SCO1: variants seen among roughly 807,000 people sequenced by gnomAD.
The protein encoded by SCO1 is synthesis of cytochrome C oxidase 1.
In SCO1, 23 loss-of-function variants were observed where a neutral mutation model predicts 34.0. The observed-to-expected ratio is 0.68, with a 90% CI of 0.49 to 0.96. SCO1 has a LOEUF of 0.96. Among genes scored for constraint, SCO1 ranks in the 40% least tolerant of loss-of-function variants. The probability of loss-of-function intolerance (pLI) is 0.00; values close to 1 mark genes in which losing one functional copy is unlikely to be tolerated. For synonymous variants in SCO1, 161 were observed against 145.5 expected (o/e 1.11, Z -0.77); for missense variants, 404 against 381.6 (o/e 1.06, Z -0.49).
At position 10,692,817 on chromosome 17, in the gene SCO1, G is replaced by C; in HGVS notation, c.509C>G (p.Pro170Arg). The C allele has an allele frequency of 6.2e-7, 1 of 1,614,126 alleles. No homozygotes were observed. The highest frequency in any genetic ancestry group is 8.5e-7 in the Non-Finnish European group (1 of 1,179,994). Residue 170 changes from proline (P) to arginine (R), a missense_variant, in exon 3 of 6, where the codon CCT becomes CGT. Coordinates refer to ENST00000255390, the MANE Select transcript of SCO1 (RefSeq NM_004589.4). The stretch of plus-strand genomic sequence containing the variant: ...TTCTAGTTCTTCTGGACAGACATCA[G>C]GGCAATGAGTGAAGCCAAAATAAAT... ...LLIYFGFTHCPDVCPEELEKM... is the reference protein window; with the variant it reads ...LLIYFGFTHCRDVCPEELEKM...
At chr17:10,690,190 C>G (rs1018908082) in intron 4 of SCO1, among the ~76,000 whole-genome samples, 4 of 151,918 alleles carry the variant, frequency 2.6e-5, no homozygotes, top group Non-Finnish European at 5.9e-5. Flanking sequence ...CAAAAATAGG[C>G]AAATGGGGTT....
Position 10,687,407 on chromosome 17 carries a change from G to A in SCO1, c.656-565C>T, listed in dbSNP as rs146023618. 2.0e-3 allele frequency among the ~76,000 whole-genome samples: 311 copies of A among 152,282 alleles called. 1 individual carries two copies. Among genetic ancestry groups the A allele is most frequent in the African/African-American group, 7.2e-3 (298 of 41,552 alleles). On this transcript the variant is annotated intron_variant, in intron 4 of 5. Transcript: ENST00000255390. The stretch of plus-strand genomic sequence containing the variant: ...GAAATAAGGGCAAATCATTCACAGC[G>A]TGTATCTGCTATTAAGTTTTTGGAA...
Position 10,686,977 on chromosome 17 carries a change from A to G in SCO1, c.656-135T>C, listed in dbSNP as rs536297609. The G allele has an allele frequency of 1.0e-4, 70 of 690,104 alleles. No individual in the cohort carries two copies. The Middle Eastern group carries it at 1.5e-3, about 15-fold the overall frequency. 42.7% of individuals were successfully genotyped at this position (690,104 alleles called of 1,614,324 possible). On this transcript the variant is annotated intron_variant, in intron 4 of 5. Coordinates refer to ENST00000255390, the MANE Select transcript of SCO1 (RefSeq NM_004589.4). ...GTGAGTCTCCAAACATTTCTTCACG[A>G]TTCAAAGGAAAAGGAGAAGAAATTC...
rs2074563604 is a variant in SCO1 at position 10,673,851 on chromosome 17, A to C, written c.*7268T>G. ...GTGCTGAATAGAAGTTCTGACAGGG[A>C]GTGACAGTCGTCTTTGACAAAAATT... On this transcript the variant is annotated 3_prime_UTR_variant, in exon 6 of 6. Transcript: ENST00000255390. The C allele has an allele frequency of 6.6e-6, 1 of 152,230 alleles. No homozygotes were observed. The highest frequency in any genetic ancestry group is 1.5e-5 in the Non-Finnish European group (1 of 68,048). 9.4% of individuals were successfully genotyped at this position (152,230 alleles called of 1,614,324 possible).
chr17:10,694,055 T>G (rs1328065912), intron 2 of SCO1, among the ~76,000 whole-genome samples: 1 of 152,228 alleles, frequency 6.6e-6, no homozygotes, highest in Non-Finnish European at 1.5e-5. Flanking sequence ...ATTAATCAAG[T>G]GATCAAACTG....
In SCO1 at chr17:10,686,767, T is replaced by C. The variant is rs769451925; in HGVS notation, c.731A>G (p.Tyr244Cys). ...VDQVARAYRV[Y>C]YSPGPKDEDE... Reference sequence around the variant, plus strand: ...TTCGTCCTTGGGGCCAGGGCTGTAATACACTCTGTATGCTCTGGCCACTTG... The same window carrying C: ...TTCGTCCTTGGGGCCAGGGCTGTAACACACTCTGTATGCTCTGGCCACTTG... Residue 244 changes from tyrosine (Y) to cysteine (C), a missense_variant, in exon 5 of 6, where the codon TAT becomes TGT. Coordinates refer to ENST00000255390, the MANE Select transcript of SCO1 (RefSeq NM_004589.4). 3.1e-6 allele frequency: 5 copies of C among 1,613,836 alleles called. No homozygotes were observed. The South Asian group carries it at 3.3e-5, about 11-fold the overall frequency.
rs1567574812 is a variant in SCO1, at chr17:10,689,001, AG to A, written c.656-2160del. The stretch of plus-strand genomic sequence containing the variant: ...CGTGGTAGCGGGCGCCTGTAGTCCC[AG>A]CTACTTGGGAGGCTGAGGCAGGAGA... On this transcript the variant is annotated intron_variant, in intron 4 of 5. Transcript: ENST00000255390. 5.4e-5 allele frequency among the ~76,000 whole-genome samples: 8 copies of A among 147,352 alleles called. No individual in the cohort carries two copies. The South Asian group carries it at 1.7e-3, about 31-fold the overall frequency.
At chr17:10,683,999 A>G (rs761130044) in intron 5 of SCO1, 19 of 152,194 alleles carry the variant, frequency 1.2e-4, no homozygotes, top group Admixed American at 5.2e-4. Context: ...ACCTCAAGGG[A>G]CTGAAGTCAT....
Position 10,675,128 on chromosome 17 carries a change from G to A in SCO1, c.*5991C>T, listed in dbSNP as rs1412080160. The A allele has an allele frequency of 6.6e-6, 1 of 152,240 alleles. No homozygotes were observed. The highest frequency in any genetic ancestry group is 2.4e-5 in the African/African-American group (1 of 41,426). The allele number at this position is 152,240 out of a possible 1,614,324, so 9.4% of individuals were successfully genotyped here. ...TTTAGGTCCGTCCTCCAGCTTAGGGGTGACTAGAGCGATTGATTTCCTGCC... is the reference window on the plus strand; with the variant it reads ...TTTAGGTCCGTCCTCCAGCTTAGGGATGACTAGAGCGATTGATTTCCTGCC... On this transcript the variant is annotated 3_prime_UTR_variant, in exon 6 of 6. Transcript: ENST00000255390.
intron 4 of SCO1, among the ~76,000 whole-genome samples, chr17:10,688,553 G>A (rs1447555373): frequency 6.6e-6 from 1 of 152,202 alleles, no homozygotes; most frequent in African/African-American, 2.4e-5. Context: ...CAGGAATGCA[G>A]AAATATACCA....
At chr17:10,694,906 T>C (rs928848958) in intron 2 of SCO1, among the ~76,000 whole-genome samples, 2 of 152,194 alleles carry the variant, frequency 1.3e-5, no homozygotes, top group Non-Finnish European at 2.9e-5. Flanking sequence ...CTAAAGCCTA[T>C]GAATTCCCAG....
In SCO1 at chr17:10,688,924, G is replaced by A. The variant is rs1028053482; in HGVS notation, c.656-2082C>T. Among the ~76,000 whole-genome samples the A allele has an allele frequency of 6.4e-5, 9 of 141,548 alleles. 1 individual carries two copies. The highest frequency in any genetic ancestry group is 1.6e-4 in the African/African-American group (5 of 31,884). 92.9% of individuals were successfully genotyped at this position (141,548 alleles called of 152,430 possible). On this transcript the variant is annotated intron_variant, in intron 4 of 5. Coordinates refer to ENST00000255390, the MANE Select transcript of SCO1 (RefSeq NM_004589.4). ...GAGGTCAGGAGATCGAGACCATCCC[G>A]GCTAAAACGGTGAAACCCCGTCTCT...
chr17:10,694,340 C>T (rs112458102), intron 2 of SCO1, among the ~76,000 whole-genome samples: 4,124 of 152,250 alleles, frequency 0.027, 86 homozygotes, highest in Non-Finnish European at 0.04. Context: ...TGGTATGGTT[C>T]TGAAACAGAT....
At position 10,677,579 on chromosome 17, in the gene SCO1, A is replaced by T. The variant is rs1415710242; in HGVS notation, c.*3540T>A. 6.6e-6 allele frequency: 1 copy of T among 152,222 alleles called. No individual in the cohort carries two copies. The highest frequency in any genetic ancestry group is 2.4e-5 in the African/African-American group (1 of 41,450). 9.4% of individuals were successfully genotyped at this position (152,222 alleles called of 1,614,324 possible). ...TATGCAGACGCATTTACAATTTAAA[A>T]TCATTAGCCTCCCAACTCGCATATT... On this transcript the variant is annotated 3_prime_UTR_variant, in exon 6 of 6. Coordinates refer to ENST00000255390, the MANE Select transcript of SCO1 (RefSeq NM_004589.4).
At chr17:10,696,290 C>T (rs1374319803) in intron 1 of SCO1, among the ~76,000 whole-genome samples, 1 of 151,820 alleles carries the variant, frequency 6.6e-6, no homozygotes, top group African/African-American at 2.4e-5. Context: ...ACTGAAAATA[C>T]AAAAATTAGC....
chr17:10,680,948 A>G lies in SCO1; in HGVS notation c.*171T>C, dbSNP rs1407030375. ...GTAATCTTTACAGTTCCAAGAATCAATTTTGGTTGAACGCAAGGGTAACAT... is the reference window on the plus strand; with the variant it reads ...GTAATCTTTACAGTTCCAAGAATCAGTTTTGGTTGAACGCAAGGGTAACAT... On this transcript the variant is annotated 3_prime_UTR_variant, in exon 6 of 6. Transcript: ENST00000255390. The G allele has an allele frequency of 2.6e-6, 2 of 760,668 alleles. No homozygotes were observed. Among genetic ancestry groups the G allele is most frequent in the Admixed American group, 2.2e-5 (1 of 45,448 alleles). 47.1% of individuals were successfully genotyped at this position (760,668 alleles called of 1,614,324 possible).
chr17:10,686,864 C>T, intron 4 of SCO1, 22 bp from the exon 5 acceptor site: 1 of 1,516,678 alleles, frequency 6.6e-7, no homozygotes, highest in East Asian at 2.3e-5. Context: ...ATGAGAGAGA[C>T]AGTGAAAAAT....
chr17:10,679,955 T>A lies in SCO1; in HGVS notation c.*1164A>T, dbSNP rs1225325213. On this transcript the variant is annotated 3_prime_UTR_variant, in exon 6 of 6. Transcript: ENST00000255390. ...ATGCCAAAAAAATCTTCTGTAGAGA[T>A]GGGGGCGGGGGGGGGGGGTCTCACT... 5 of 5,370 alleles carry A rather than the reference T, an allele frequency of 9.3e-4. No homozygotes were observed. The highest frequency in any genetic ancestry group is 4.7e-3 in the African/African-American group (5 of 1,060). 0.3% of individuals were successfully genotyped at this position (5,370 alleles called of 1,614,324 possible). A position where few individuals can be genotyped will look rare whatever the true frequency, so the allele number is the denominator to read the frequency against.
chr17:10,681,096 T>G lies in SCO1; in HGVS notation c.*23A>C, dbSNP rs781308115. 6.2e-7 allele frequency: 1 copy of G among 1,614,184 alleles called. No individual in the cohort carries two copies. Among genetic ancestry groups the G allele is most frequent in the East Asian group, 2.2e-5 (1 of 44,882 alleles). ...TTCCTTCCTCTTAGCAAGAGAATAC[T>G]GCATCCAGCAACACTGCTTTGGCTA... On this transcript the variant is annotated 3_prime_UTR_variant, in exon 6 of 6. Coordinates refer to ENST00000255390, the MANE Select transcript of SCO1 (RefSeq NM_004589.4).
Sources: allele counts gnomAD v4.1 joint callset (sites outside exome capture counted in the v4.1 genomes callset), GRCh38; gene constraint gnomAD v4.1.1; transcripts MANE v1.5; gene names NCBI Gene and HGNC (gene_info 2026-07-23, HGNC 2026-07-21).